The following CTNND2 variants were observed in gnomAD, a reference collection of about 807,000 sequenced individuals.
CTNND2 encodes catenin delta 2.
CTNND2 carries 22 observed loss-of-function variants against 144.4 expected under a neutral mutation model. The observed-to-expected ratio is 0.15, with a 90% CI of 0.11 to 0.22. The LOEUF (loss-of-function observed/expected upper bound fraction) is 0.22. CTNND2 is among the 10% of genes least tolerant of loss of function. CTNND2 has a pLI of 1.00. For missense variants in CTNND2, 1,353 were observed against 1,618.8 expected (o/e 0.84, Z 2.82); for synonymous variants, 751 against 695.6 (o/e 1.08, Z -1.25).
intron 9 of CTNND2, among the ~76,000 whole-genome samples, chr5:11,342,576 C>T (rs574824026): frequency 4.6e-5 from 7 of 152,286 alleles, no homozygotes; most frequent in African/African-American, 1.7e-4. Context: ...AGGATTACAA[C>T]ATCTCAAAAA....
Position 11,373,552 on chromosome 5 carries a change from G to A in CTNND2, c.1178-8662C>T, listed in dbSNP as rs1438407315. Among the ~76,000 whole-genome samples the A allele has an allele frequency of 2.0e-5, 3 of 152,174 alleles. No homozygotes were observed. In the East Asian group the frequency reaches 5.8e-4, roughly 29 times the overall value. ...GAAAGAACATGCACAGCATTTGAAT[G>A]GGAGACTTTTTAAAAGAGGAATGAT... On this transcript the variant is annotated intron_variant, in intron 7 of 21. Coordinates refer to ENST00000304623, the MANE Select transcript of CTNND2 (RefSeq NM_001332.4).
intron 1 of CTNND2, among the ~76,000 whole-genome samples, chr5:11,866,345 A>G (rs934312552): frequency 4.6e-5 from 7 of 152,180 alleles, no homozygotes; most frequent in Admixed American, 4.6e-4. Context: ...GTTTTAGGCC[A>G]TGAAATTTAT....
intron 1 of CTNND2, among the ~76,000 whole-genome samples, chr5:11,902,855 C>T (rs1238338202): frequency 1.3e-5 from 2 of 152,122 alleles, no homozygotes; most frequent in African/African-American, 2.4e-5. Context: ...CTTCATACCC[C>T]CACGGTTACA....
chr5:11,660,608 C>T (rs1413726689), intron 2 of CTNND2, among the ~76,000 whole-genome samples: 1 of 151,884 alleles, frequency 6.6e-6, no homozygotes, highest in Non-Finnish European at 1.5e-5. Flanking sequence ...ACAAATGGGT[C>T]ATTGGTATAA....
Position 11,160,443 on chromosome 5 carries a change from C to T in CTNND2, c.1976-684G>A, listed in dbSNP as rs568626958. ...GTCACAGTAATTCATGCAGGCAGAG[C>T]AATGCAAAATGTTAACGACAAATAG... On this transcript the variant is annotated intron_variant, in intron 11 of 21. Coordinates refer to ENST00000304623, the MANE Select transcript of CTNND2 (RefSeq NM_001332.4). Among the ~76,000 whole-genome samples the T allele has an allele frequency of 2.0e-5, 3 of 152,250 alleles. No homozygotes were observed. The East Asian group carries it at 5.8e-4, about 29-fold the overall frequency.
At chr5:11,325,590 C>G (rs1336926967) in intron 9 of CTNND2, among the ~76,000 whole-genome samples, 1 of 152,102 alleles carries the variant, frequency 6.6e-6, no homozygotes, top group African/African-American at 2.4e-5. Flanking sequence ...ATATCAATCT[C>G]TAAACCTAAG....
At chr5:11,762,918 T>C (rs12522011) in intron 1 of CTNND2, among the ~76,000 whole-genome samples, 133,684 of 152,252 alleles carry the variant, frequency 0.88, 60,819 homozygotes, top group Non-Finnish European at 0.99. Context: ...CACTTGCTGT[T>C]AGTAAATATT....
chr5:11,291,948 T>TA (rs1290137165), intron 9 of CTNND2, among the ~76,000 whole-genome samples: 7 of 151,166 alleles, frequency 4.6e-5, no homozygotes, highest in East Asian at 3.9e-4. Flanking sequence ...TTCCCTAAAT[T>TA]TAAAAAAAAA....
chr5:11,518,806 T>A (rs1467417185), intron 3 of CTNND2, among the ~76,000 whole-genome samples: 1 of 152,190 alleles, frequency 6.6e-6, no homozygotes, highest in Non-Finnish European at 1.5e-5. Flanking sequence ...TGTAGTTGGC[T>A]AGACCACTAG....
At chr5:11,343,253 T>C (rs1754444760) in intron 9 of CTNND2, among the ~76,000 whole-genome samples, 1 of 152,236 alleles carries the variant, frequency 6.6e-6, no homozygotes, top group African/African-American at 2.4e-5. Context: ...TCAAGTCTAA[T>C]GATGAAGTGG....
At chr5:11,832,572 G>A (rs1240260824) in intron 1 of CTNND2, among the ~76,000 whole-genome samples, 2 of 152,160 alleles carry the variant, frequency 1.3e-5, no homozygotes, top group African/African-American at 2.4e-5. Flanking sequence ...CAACATCAAT[G>A]GCTGTTTGGG....
intron 18 of CTNND2, 91 bp downstream of exon 18, chr5:11,017,883 G>C: frequency 1.1e-6 from 1 of 943,386 alleles, no homozygotes; most frequent in Non-Finnish European, 1.7e-6. Flanking sequence ...CAATGACTGA[G>C]GCTGTGGGAA....
At chr5:11,691,042 A>G (rs987767692) in intron 2 of CTNND2, among the ~76,000 whole-genome samples, 2 of 152,128 alleles carry the variant, frequency 1.3e-5, no homozygotes, top group African/African-American at 2.4e-5. Flanking sequence ...GCTCCCCAAG[A>G]TAAGAACAAA....
chr5:11,274,743 C>T (rs937053764), intron 9 of CTNND2, among the ~76,000 whole-genome samples: 1 of 151,972 alleles, frequency 6.6e-6, no homozygotes, highest in Non-Finnish European at 1.5e-5. Flanking sequence ...TTGCTAACCG[C>T]TAATGAAAAC....
At chr5:11,847,197 C>G (rs1386855534) in intron 1 of CTNND2, among the ~76,000 whole-genome samples, 1 of 133,396 alleles carries the variant, frequency 7.5e-6, no homozygotes, top group East Asian at 2.3e-4. Context: ...TTTACTACAG[C>G]AGTATTCACA....
intron 5 of CTNND2, among the ~76,000 whole-genome samples, chr5:11,405,868 C>G (rs1761053395): frequency 6.6e-6 from 1 of 152,134 alleles, no homozygotes; most frequent in Non-Finnish European, 1.5e-5. Context: ...AAAGAACAGT[C>G]TTGTTTGTAT....
chr5:11,414,604 T>C (rs1761786734), intron 3 of CTNND2, among the ~76,000 whole-genome samples: 1 of 152,216 alleles, frequency 6.6e-6, no homozygotes, highest in Admixed American at 6.5e-5. Context: ...CAAATTCTTT[T>C]CTTTAAACCT....
intron 2 of CTNND2, among the ~76,000 whole-genome samples, chr5:11,660,759 G>A (rs1783158294): frequency 6.6e-6 from 1 of 152,178 alleles, no homozygotes; most frequent in African/African-American, 2.4e-5. Context: ...ATGTGGGCAT[G>A]TGTTGCAAGC....
chr5:11,824,023 A>C (rs1433445143), intron 1 of CTNND2, among the ~76,000 whole-genome samples: 1 of 149,990 alleles, frequency 6.7e-6, no homozygotes, highest in Non-Finnish European at 1.5e-5. Context: ...GAATCGCTTG[A>C]ACCGGGGAGG....
Sources: allele counts gnomAD v4.1 joint callset (sites outside exome capture counted in the v4.1 genomes callset), GRCh38; gene constraint gnomAD v4.1.1; transcripts MANE v1.5; gene names NCBI Gene and HGNC (gene_info 2026-07-23, HGNC 2026-07-21).